Variants in MAL observed in about 807,000 individuals in gnomAD.
The protein encoded by MAL is mal, T cell differentiation protein (MAL blood group), also known as myelin and lymphocyte protein.
Under a neutral mutation model 16.7 loss-of-function variants are expected in MAL, and 5 were observed. The observed-to-expected ratio is 0.30, with a 90% CI of 0.16 to 0.63. The LOEUF is 0.63. Ranked by LOEUF, MAL falls within the 30% of genes least tolerant of loss-of-function variation. The probability of loss-of-function intolerance (pLI) is 0.82; values close to 1 mark genes in which losing one functional copy is unlikely to be tolerated. For synonymous variants in MAL, 96 were observed against 85.5 expected, an observed-to-expected ratio of 1.12 and a Z score of -0.67; for missense variants, 202 against 195.8, an observed-to-expected ratio of 1.03 and a Z score of -0.19.
chr2:95,038,516 GTGAGTGAGTGAC>G (rs1238073630), intron 1 of MAL, among the ~76,000 whole-genome samples: 2 of 150,348 alleles, frequency 1.3e-5, no homozygotes, highest in African/African-American at 2.4e-5. Context: ...GAGTGAGTGG[GTGAGTGAGTGAC>G]TGAGTGAGTG....
chr2:95,036,879 G>C (rs1674225897), intron 1 of MAL, among the ~76,000 whole-genome samples: 1 of 151,800 alleles, frequency 6.6e-6, no homozygotes, highest in Admixed American at 6.6e-5. Flanking sequence ...GTGACTGAGT[G>C]AGTAACTGAG....
intron 1 of MAL, among the ~76,000 whole-genome samples, chr2:95,030,723 A>G (rs1306552855): frequency 6.6e-6 from 1 of 151,820 alleles, no homozygotes; most frequent in African/African-American, 2.4e-5. Context: ...CTCCAGGGGC[A>G]TGCCCTTCCT....
chr2:95,028,699 A>G (rs1205349026), intron 1 of MAL, among the ~76,000 whole-genome samples: 1 of 152,246 alleles, frequency 6.6e-6, no homozygotes, highest in African/African-American at 2.4e-5. Context: ...ACATATCCAA[A>G]CAATGGATAC....
chr2:95,036,789 CTGAG>C (rs1344462431), intron 1 of MAL, among the ~76,000 whole-genome samples: 4 of 119,196 alleles, frequency 3.4e-5, no homozygotes, highest in Admixed American at 3.3e-4. Flanking sequence ...GAGTGAGTGA[CTGAG>C]TGACTGAGTG....
chr2:95,031,895 G>A (rs1674091959), intron 1 of MAL, among the ~76,000 whole-genome samples: 1 of 152,198 alleles, frequency 6.6e-6, no homozygotes, highest in South Asian at 2.1e-4. Context: ...GACTTTTCTG[G>A]TTTTTCAAGA....
chr2:95,053,264 C>T (rs1043348371), intron 3 of MAL, 117 bp from the exon 4 acceptor site: 5 of 744,338 alleles, frequency 6.7e-6, no homozygotes, highest in Non-Finnish European at 1.2e-5. Flanking sequence ...GAAGCAATGA[C>T]AGCCCAAGCT....
At position 95,025,993 on chromosome 2, in the gene MAL, A is replaced by G. The variant is rs1195120745; in HGVS notation, c.93+108A>G. The G allele has an allele frequency of 6.1e-6, 6 of 982,888 alleles. No individual in the cohort carries two copies. The highest frequency in any genetic ancestry group is 7.4e-6 in the Non-Finnish European group (5 of 671,260). 60.9% of individuals were successfully genotyped at this position (982,888 alleles called of 1,614,324 possible). On this transcript the variant is annotated intron_variant, in intron 1 of 3. Coordinates refer to ENST00000309988, the MANE Select transcript of MAL (RefSeq NM_002371.4). This position sits in a 1 kb window ranked among gnomAD's most constrained non-coding sequence, Gnocchi z 5.6. ...ATCCGCTAGCTGCGCAGGTTCTGGG[A>G]GCATCGGGGCAGCAGGCGCAGGGCG...
rs1674775071 is a variant in MAL at position 95,053,796 on chromosome 2, C to G, written c.*341C>G. 3.6e-6 allele frequency: 1 copy of G among 281,394 alleles called. No individual in the cohort carries two copies. Among genetic ancestry groups the G allele is most frequent in the Non-Finnish European group, 6.8e-6 (1 of 146,436 alleles). The allele number at this position is 281,394 out of a possible 1,614,324, so 17.4% of individuals were successfully genotyped here. On this transcript the variant is annotated 3_prime_UTR_variant, in exon 4 of 4. Coordinates refer to ENST00000309988, the MANE Select transcript of MAL (RefSeq NM_002371.4). ...GGAAAGAAAGATCCTCTGCTGACCC[C>G]TGGAGCAGCTCTCGAGAACTACCTG...
chr2:95,051,911 C>T (rs1473898269), intron 3 of MAL: 1 of 152,230 alleles, frequency 6.6e-6, no homozygotes, highest in Non-Finnish European at 1.5e-5. Flanking sequence ...ACCCGCCCAA[C>T]CACAGCATGC....
In MAL at chr2:95,028,045, G is replaced by A. The variant is rs185029171; in HGVS notation, c.93+2160G>A. 5.6e-4 allele frequency among the ~76,000 whole-genome samples: 85 copies of A among 151,334 alleles called. 1 individual carries two copies. In the South Asian group the frequency reaches 0.012, roughly 22 times the overall value. ...AATGAGGCCAGTTGCGGTGACTCAC[G>A]CCTGTAATCCCAGCACTTTGGGAGG... On this transcript the variant is annotated intron_variant, in intron 1 of 3. Coordinates refer to ENST00000309988, the MANE Select transcript of MAL (RefSeq NM_002371.4).
chr2:95,053,317 G>A lies in MAL; in HGVS notation c.388-64G>A. 7.1e-6 allele frequency: 8 copies of A among 1,127,106 alleles called. No individual in the cohort carries two copies. In the South Asian group the frequency reaches 7.4e-5, roughly 10 times the overall value. 69.8% of individuals were successfully genotyped at this position (1,127,106 alleles called of 1,614,324 possible). ...CCTACGCCACGTGGGGCTGGATGCA[G>A]TGCAGACGCTGTGCCTCGCCCTCCC... On this transcript the variant is annotated intron_variant, in intron 3 of 3. Transcript: ENST00000309988.
At chr2:95,032,391 C>T (rs993571646) in intron 1 of MAL, among the ~76,000 whole-genome samples, 1 of 152,202 alleles carries the variant, frequency 6.6e-6, no homozygotes, top group African/African-American at 2.4e-5. Context: ...CAGGACAGAG[C>T]CAGCCAGACT....
chr2:95,038,467 G>GTGAGTGAGTGA (rs1674317378), intron 1 of MAL, among the ~76,000 whole-genome samples: 1 of 52,572 alleles, frequency 1.9e-5, no homozygotes, highest in African/African-American at 7.5e-5. Context: ...TGACTGAGTG[G>GTGAGTGAGTGA]GTGAGTGAGT....
intron 1 of MAL, among the ~76,000 whole-genome samples, chr2:95,039,701 T>TGAGTGAG (rs569429594): frequency 2.8e-5 from 4 of 140,764 alleles, no homozygotes. Context: ...AGTGACTGAG[T>TGAGTGAG]GACTGAGTGA....
At chr2:95,048,487 G>A (rs1419695422) in intron 2 of MAL, among the ~76,000 whole-genome samples, 1 of 152,180 alleles carries the variant, frequency 6.6e-6, no homozygotes, top group African/African-American at 2.4e-5. Context: ...CCCAGAGGCC[G>A]ACCAAGGTGT....
intron 1 of MAL, among the ~76,000 whole-genome samples, chr2:95,043,270 A>G (rs2104352575): frequency 6.6e-6 from 1 of 152,364 alleles, no homozygotes; most frequent in East Asian, 1.9e-4. Flanking sequence ...CTGCATGTTA[A>G]GTGGCTGCTT....
intron 3 of MAL, among the ~76,000 whole-genome samples, chr2:95,050,280 G>A (rs1310410745): frequency 1.3e-5 from 2 of 152,176 alleles, no homozygotes; most frequent in Non-Finnish European, 2.9e-5. Context: ...CTTCTTAATG[G>A]ACTGGATCAG....
At chr2:95,029,885 T>C (rs911540707) in intron 1 of MAL, among the ~76,000 whole-genome samples, 1 of 152,222 alleles carries the variant, frequency 6.6e-6, no homozygotes. Context: ...AAAGTCGCCA[T>C]TGTTCCTCAT....
chr2:95,028,660 A>C (rs1285719747), intron 1 of MAL, among the ~76,000 whole-genome samples: 2 of 152,250 alleles, frequency 1.3e-5, no homozygotes, highest in Non-Finnish European at 2.9e-5. Flanking sequence ...CCCAGTGGCC[A>C]TCAGCAATGA....
Sources: gnomAD v4.1 joint callset for allele counts (sites outside exome capture counted in the v4.1 genomes callset) on GRCh38, gnomAD v4.1.1 for gene constraint, Gnocchi (gnomAD v3.1) non-coding constraint, MANE v1.5 for transcripts, NCBI Gene and HGNC (gene_info 2026-07-23, HGNC 2026-07-21) for gene names.